The following MYBPC1 variants were observed in gnomAD, a reference collection of about 807,000 sequenced individuals.
The protein encoded by MYBPC1 is myosin binding protein C1, also known as myosin-binding protein C, slow-type.
MYBPC1 carries 52 observed loss-of-function variants against 147.1 expected under a neutral mutation model. The ratio of observed to expected loss-of-function variants is 0.35; its 90% confidence interval spans 0.28 to 0.45. The LOEUF is 0.45. Among genes scored for constraint, MYBPC1 ranks in the 20% least tolerant of loss-of-function variants. The pLI is 1.00. For synonymous variants in MYBPC1, 477 were observed against 475.9 expected (o/e 1.00, Z -0.03); for missense variants, 1,228 against 1,440.3 (o/e 0.85, Z 2.39).
At chr12:101,639,531 G>A (rs181915838) in intron 10 of MYBPC1, among the ~76,000 whole-genome samples, 3 of 152,326 alleles carry the variant, frequency 2.0e-5, no homozygotes, top group Admixed American at 1.3e-4. Context: ...GGAAGGAATA[G>A]GCAAGAGGTC....
intron 30 of MYBPC1, 133 bp downstream of exon 30, chr12:101,682,795 A>C: frequency 1.2e-6 from 1 of 830,018 alleles, no homozygotes; most frequent in South Asian, 1.5e-5. Flanking sequence ...CATGGCATAC[A>C]GTGCTTATGC....
chr12:101,600,243 A>C (rs1053648924), intron 1 of MYBPC1: 1 of 152,100 alleles, frequency 6.6e-6, no homozygotes, highest in African/African-American at 2.4e-5. Context: ...AAGAACTTAC[A>C]ATCCTTTATG....
intron 11 of MYBPC1, among the ~76,000 whole-genome samples, 168 bp downstream of exon 11, chr12:101,642,753 A>G (rs529829969): frequency 1.3e-5 from 2 of 152,168 alleles, no homozygotes; most frequent in African/African-American, 4.8e-5. Context: ...CTGAAGGTTC[A>G]AGGTAACAGG....
intron 5 of MYBPC1, among the ~76,000 whole-genome samples, chr12:101,628,765 T>G (rs12300336): frequency 6.6e-6 from 1 of 152,234 alleles, no homozygotes; most frequent in African/African-American, 2.4e-5. Flanking sequence ...TGTCTCTCTT[T>G]ATGGGAAAGC....
Position 101,642,566 on chromosome 12 carries a change from A to G in MYBPC1, c.813A>G (p.Arg271=), listed in dbSNP as rs764101819. 3 of 1,612,298 alleles carry G rather than the reference A, an allele frequency of 1.9e-6. No homozygotes were observed. Among genetic ancestry groups the G allele is most frequent in the East Asian group, 2.2e-5 (1 of 44,818 alleles). The change falls in exon 11 of 32, where the codon AGA becomes AGG. Residue 271 remains arginine (R), a synonymous_variant. Coordinates refer to ENST00000361466, the MANE Select transcript of MYBPC1 (RefSeq NM_002465.4). ...TCAAGCGACTCAAGCGCATGCGCAG[A>G]GAGGAGAAGAAGAGCGCAGGTGAGC... ...GMLKRLKRMR[R]EEKKSAAFAK...
At chr12:101,678,389 C>T (rs1042391705) in intron 28 of MYBPC1, 151 bp downstream of exon 28, 76 of 1,165,484 alleles carry the variant, frequency 6.5e-5, no homozygotes, top group East Asian at 4.8e-5. Flanking sequence ...TTATTAGGCA[C>T]ACTATTCAGA....
chr12:101,675,119 GC>G (rs1899646171), intron 25 of MYBPC1, among the ~76,000 whole-genome samples, 172 bp from the exon 26 acceptor site: 1 of 152,012 alleles, frequency 6.6e-6, no homozygotes, highest in South Asian at 2.1e-4. Flanking sequence ...CTTTGATCTG[GC>G]CTGGCTCCAT....
chr12:101,627,695 A>G, intron 4 of MYBPC1, 74 bp from the exon 5 acceptor site: 1 of 1,523,576 alleles, frequency 6.6e-7, no homozygotes, highest in Non-Finnish European at 9.1e-7. Flanking sequence ...GGAATCCAAG[A>G]AGGTTGAAGT....
intron 3 of MYBPC1, 101 bp from the exon 4 acceptor site, chr12:101,626,771 A>G (rs1593754352): frequency 4.0e-6 from 4 of 989,840 alleles, no homozygotes; most frequent in South Asian, 3.8e-5. Context: ...TTGAAAGTGT[A>G]TTGTGTGGTT....
At chr12:101,690,469 C>T (rs1951397617), downstream of MYBPC1, among the ~76,000 whole-genome samples, 1 of 152,182 alleles carries the variant, frequency 6.6e-6, no homozygotes, top group African/African-American at 2.4e-5. Flanking sequence ...AACTCAAAGA[C>T]TAACTCAATG....
At chr12:101,682,353 G>A (rs1432787415) in intron 29 of MYBPC1, among the ~76,000 whole-genome samples, 1 of 152,128 alleles carries the variant, frequency 6.6e-6, no homozygotes, top group African/African-American at 2.4e-5. Context: ...TCTTTTTAGT[G>A]AAAATGTAGT....
intron 17 of MYBPC1, 118 bp downstream of exon 17, chr12:101,652,902 T>C: frequency 9.3e-7 from 1 of 1,079,892 alleles, no homozygotes; most frequent in Non-Finnish European, 1.4e-6. Flanking sequence ...CATCAATTGG[T>C]ATTAATCACC....
chr12:101,645,846 A>G (rs541958452), intron 12 of MYBPC1, among the ~76,000 whole-genome samples: 1 of 152,208 alleles, frequency 6.6e-6, no homozygotes, highest in Non-Finnish European at 1.5e-5. Flanking sequence ...CTAAATACTC[A>G]CATTCTTTCT....
chr12:101,626,740 T>A (rs1412747241), intron 3 of MYBPC1, 132 bp from the exon 4 acceptor site: 1 of 806,654 alleles, frequency 1.2e-6, no homozygotes, highest in African/African-American at 1.7e-5. Context: ...GGTACCAAGT[T>A]TTCTAAGGCT....
chr12:101,641,838 T>G (rs901071438), intron 10 of MYBPC1, among the ~76,000 whole-genome samples: 2 of 151,916 alleles, frequency 1.3e-5, no homozygotes, highest in Admixed American at 1.3e-4. Context: ...ATTTTTTTTT[T>G]TTATTTTAAG....
intron 1 of MYBPC1, among the ~76,000 whole-genome samples, chr12:101,609,267 C>A (rs1883396781): frequency 1.3e-5 from 2 of 151,950 alleles, no homozygotes; most frequent in South Asian, 4.2e-4. Context: ...TGTAAAAATG[C>A]AGAATCTTTT....
intron 6 of MYBPC1, among the ~76,000 whole-genome samples, chr12:101,630,779 G>A (rs997207170): frequency 5.2e-4 from 79 of 152,202 alleles, no homozygotes; most frequent in African/African-American, 1.9e-3. Context: ...GCTATGAAGG[G>A]ATGGTGAGCT....
In MYBPC1 at chr12:101,651,378, T is replaced by C. The variant is rs576011800; in HGVS notation, c.1511T>C (p.Val504Ala). Reference protein sequence around the residue: ...LPVQESDRLKVVHKGRIHKLV... With the variant: ...LPVQESDRLKAVHKGRIHKLV... ...GTTCAGGAGAGTGACCGTCTAAAGG[T>C]GGTTCACAAGGGAAGGTAAGCGAGC... The change falls in exon 16 of 32, where the codon GTG (valine) becomes GCG (alanine). Residue 504 changes from valine (V) to alanine (A), a missense_variant. Coordinates refer to ENST00000361466, the MANE Select transcript of MYBPC1 (RefSeq NM_002465.4). The C allele has an allele frequency of 6.2e-7, 1 of 1,613,996 alleles. No individual in the cohort carries two copies. Among genetic ancestry groups the C allele is most frequent in the East Asian group, 2.2e-5 (1 of 44,880 alleles).
Position 101,594,974 on chromosome 12 carries a change from A to C in MYBPC1, c.-97A>C. 8.3e-6 allele frequency: 10 copies of C among 1,200,056 alleles called. No individual in the cohort carries two copies. Among genetic ancestry groups the C allele is most frequent in the South Asian group, 1.3e-5 (1 of 78,486 alleles). The allele number at this position is 1,200,056 out of a possible 1,614,324, so 74.3% of individuals were successfully genotyped here. A position where few individuals can be genotyped will look rare whatever the true frequency, so the allele number is the denominator to read the frequency against. ...CTGGGTTTCTCCCCAACTGCTTGTC[A>C]CACCGACCTGCACCATCTCTCGCCT... On this transcript the variant is annotated 5_prime_UTR_variant, in exon 1 of 32. Coordinates refer to ENST00000361466, the MANE Select transcript of MYBPC1 (RefSeq NM_002465.4).
Sources: gnomAD v4.1 joint callset for allele counts (sites outside exome capture counted in the v4.1 genomes callset) on GRCh38, gnomAD v4.1.1 for gene constraint, MANE v1.5 for transcripts, NCBI Gene and HGNC (gene_info 2026-07-23, HGNC 2026-07-21) for gene names.